The following KLHL4 variants were observed in gnomAD, a reference collection of about 807,000 sequenced individuals.
KLHL4 encodes the protein kelch-like protein 4.
A neutral mutation model predicts 45.8 loss-of-function variants in KLHL4; 17 were observed. That is an observed-to-expected ratio of 0.37 (90% confidence interval 0.25 to 0.56). KLHL4 has a LOEUF of 0.56. Ranked by LOEUF, KLHL4 falls within the 20% of genes least tolerant of loss-of-function variation. KLHL4 has a pLI of 0.79. For synonymous variants in KLHL4, 224 were observed against 189.9 expected, an observed-to-expected ratio of 1.18 and a Z score of -1.47; for missense variants, 544 against 544.9, an observed-to-expected ratio of 1.00 and a Z score of 0.02.
At chrX:87,526,051 A>G (rs551823034) in intron 1 of KLHL4, among the ~76,000 whole-genome samples, 1 of 111,886 alleles carries the variant, frequency 8.9e-6, no homozygotes, top group Admixed American at 9.5e-5. Context: ...GTAGCTTACT[A>G]AAGGCAAGCT....
At chrX:87,637,022 T>G (rs1923284545) in intron 9 of KLHL4, among the ~76,000 whole-genome samples, 1 of 111,523 alleles carries the variant, frequency 9.0e-6, no homozygotes, top group Non-Finnish European at 1.9e-5. Context: ...TGCCACCTCC[T>G]AGCTGGAGGC....
chrX:87,522,768 T>C (rs1452916231), intron 1 of KLHL4, among the ~76,000 whole-genome samples: 3 of 112,245 alleles, frequency 2.7e-5, no homozygotes, highest in African/African-American at 9.7e-5. Flanking sequence ...ACAAAAAATT[T>C]AAATTTATTG....
At chrX:87,611,954 A>C (rs1922391865) in intron 1 of KLHL4, among the ~76,000 whole-genome samples, 1 of 111,849 alleles carries the variant, frequency 8.9e-6, no homozygotes, top group Non-Finnish European at 1.9e-5. Context: ...ACAGCTAAAA[A>C]AATTAAAAAT....
At chrX:87,528,687 G>A (rs1218395505) in intron 1 of KLHL4, among the ~76,000 whole-genome samples, 1 of 76,262 alleles carries the variant, frequency 1.3e-5, no homozygotes, top group Non-Finnish European at 2.3e-5. Context: ...CTGCATTCCA[G>A]CCTGGTAACA....
At chrX:87,533,427 C>G (rs1363655632) in intron 1 of KLHL4, among the ~76,000 whole-genome samples, 1 of 101,007 alleles carries the variant, frequency 9.9e-6, no homozygotes, top group Non-Finnish European at 2.0e-5. Flanking sequence ...AATTGGAAAT[C>G]ATCATTCTCA....
At chrX:87,642,563 C>A (rs1923499409) in intron 9 of KLHL4, among the ~76,000 whole-genome samples, 1 of 111,739 alleles carries the variant, frequency 8.9e-6, no homozygotes, top group Non-Finnish European at 1.9e-5. Context: ...CATGATTTAT[C>A]TGAAAAAGAA....
intron 1 of KLHL4, among the ~76,000 whole-genome samples, chrX:87,610,815 T>A (rs1315039479): frequency 1.8e-5 from 2 of 111,792 alleles, no homozygotes; most frequent in Non-Finnish European, 3.8e-5. Flanking sequence ...GGCTCACACC[T>A]GTAATTTCAG....
chrX:87,609,175 T>A (rs1053512058), intron 1 of KLHL4, among the ~76,000 whole-genome samples: 3 of 112,080 alleles, frequency 2.7e-5, no homozygotes, highest in Non-Finnish European at 5.6e-5. Context: ...GACATTTGGG[T>A]TGGTTCCAAG....
In KLHL4 at chrX:87,590,382, A is replaced by T. The variant is rs185998139; in HGVS notation, c.423-23495A>T. 3.8e-3 allele frequency among the ~76,000 whole-genome samples: 421 copies of T among 111,730 alleles called. 6 individuals carry two copies. The South Asian group carries it at 0.053, about 14-fold the overall frequency. The stretch of plus-strand genomic sequence containing the variant: ...GAAATGAAAGACATCCTGTACTTAT[A>T]GATTGGAAGACTTAATATTTTTTAA... On this transcript the variant is annotated intron_variant, in intron 1 of 10. Coordinates refer to ENST00000373119, the MANE Select transcript of KLHL4 (RefSeq NM_019117.5).
chrX:87,562,036 AAT>A (rs1465540586), intron 1 of KLHL4, among the ~76,000 whole-genome samples: 2 of 109,441 alleles, frequency 1.8e-5, no homozygotes, highest in Non-Finnish European at 3.8e-5. Flanking sequence ...GATGAGACCT[AAT>A]GCCATATTGG....
At chrX:87,621,514 T>A (rs1922748760) in intron 4 of KLHL4, among the ~76,000 whole-genome samples, 1 of 56,977 alleles carries the variant, frequency 1.8e-5, no homozygotes. Flanking sequence ...AGAAGGAGCT[T>A]CACTCTACTA....
chrX:87,547,603 A>C (rs753186555), intron 1 of KLHL4, among the ~76,000 whole-genome samples: 1 of 111,059 alleles, frequency 9.0e-6, no homozygotes, highest in South Asian at 3.8e-4. Context: ...CGGGTGGATC[A>C]TGAGGTCAGG....
In KLHL4 at chrX:87,645,218, A is replaced by G. The variant is rs369994977; in HGVS notation, c.1925+9443A>G. Reference sequence around the variant, plus strand: ...CAAATCAGTAAGAAATAAACAAACAATCCCATCAAAAAGTGGGCTAAGGAA... The same window carrying G: ...CAAATCAGTAAGAAATAAACAAACAGTCCCATCAAAAAGTGGGCTAAGGAA... On this transcript the variant is annotated intron_variant, in intron 9 of 10. Transcript: ENST00000373119. Among the ~76,000 whole-genome samples the G allele has an allele frequency of 1.2e-3, 134 of 111,937 alleles. 2 individuals are homozygous for G. The South Asian group carries it at 0.049, about 41-fold the overall frequency.
At chrX:87,619,217 A>T (rs2294963) in intron 4 of KLHL4, among the ~76,000 whole-genome samples, 42,248 of 110,943 alleles carry the variant, frequency 0.38, 6,151 homozygotes, top group Middle Eastern at 0.46. Flanking sequence ...AGAAAGGCAC[A>T]CATTGAAATC....
intron 1 of KLHL4, among the ~76,000 whole-genome samples, chrX:87,603,242 C>G (rs1471710200): frequency 8.9e-6 from 1 of 111,742 alleles, no homozygotes; most frequent in Non-Finnish European, 1.9e-5. Flanking sequence ...TCAGTTATTT[C>G]AAGAAAATAA....
intron 1 of KLHL4, among the ~76,000 whole-genome samples, chrX:87,589,769 C>T (rs763111791): frequency 9.0e-6 from 1 of 111,139 alleles, no homozygotes; most frequent in Admixed American, 9.5e-5. Context: ...GTGGCTCACG[C>T]CTGTAATCCC....
chrX:87,579,254 T>C (rs1417883227), intron 1 of KLHL4, among the ~76,000 whole-genome samples: 1 of 110,706 alleles, frequency 9.0e-6, no homozygotes, highest in East Asian at 2.9e-4. Context: ...TAATTAGAAA[T>C]CTATACACAG....
chrX:87,597,975 GTGT>G (rs1160067112), intron 1 of KLHL4, among the ~76,000 whole-genome samples: 2 of 95,041 alleles, frequency 2.1e-5, no homozygotes, highest in Non-Finnish European at 4.4e-5. Flanking sequence ...AAAAAAAGCA[GTGT>G]TTTTTTTTTT....
chrX:87,662,970 T>G, intron 9 of KLHL4, among the ~76,000 whole-genome samples: 1 of 104,548 alleles, frequency 9.6e-6, no homozygotes, highest in Admixed American at 1.0e-4. Flanking sequence ...CCATCCACCC[T>G]CTACGGAATC....
Sources: gnomAD v4.1 joint callset for allele counts (sites outside exome capture counted in the v4.1 genomes callset) on GRCh38, gnomAD v4.1.1 for gene constraint, MANE v1.5 for transcripts, NCBI Gene and HGNC (gene_info 2026-07-23, HGNC 2026-07-21) for gene names.